The following ARMCX4 variants were observed in gnomAD, a reference collection of about 807,000 sequenced individuals.
ARMCX4 encodes the protein armadillo repeat containing X-linked 4.
A neutral mutation model predicts 34.7 loss-of-function variants in ARMCX4; 3 were observed. The ratio of observed to expected loss-of-function variants is 0.09; its 90% confidence interval spans 0.04 to 0.22. ARMCX4 has a LOEUF of 0.22. Ranked by LOEUF, ARMCX4 falls within the 10% of genes least tolerant of loss-of-function variation. The pLI, the probability that ARMCX4 is intolerant of heterozygous loss-of-function variation, is 1.00. For synonymous variants in ARMCX4, 513 were observed against 632.8 expected (o/e 0.81, Z 2.84); for missense variants, 1,448 against 1,720.8 (o/e 0.84, Z 2.81).
chrX:101,435,957 T>C (rs1277402451), intron 2 of ARMCX4, among the ~76,000 whole-genome samples: 3 of 111,400 alleles, frequency 2.7e-5, no homozygotes, highest in Non-Finnish European at 5.7e-5. Flanking sequence ...TAGTTGTAGA[T>C]ATGTGGCGTT....
At chrX:101,500,046 A>T (rs782194172), downstream of ARMCX4, among the ~76,000 whole-genome samples, 12 of 111,833 alleles carry the variant, frequency 1.1e-4, no homozygotes, top group East Asian at 3.4e-3. Context: ...TACTCAGGTA[A>T]CTGTGTACCA....
chrX:101,432,441 T>A (rs1193210444), intron 2 of ARMCX4, among the ~76,000 whole-genome samples: 2 of 110,977 alleles, frequency 1.8e-5, no homozygotes, highest in Non-Finnish European at 3.8e-5. Context: ...GGCAGTAGGA[T>A]CACGAAGTCA....
intron 11 of ARMCX4, among the ~76,000 whole-genome samples, chrX:101,518,979 G>A (rs925462005): frequency 6.3e-5 from 7 of 111,228 alleles, no homozygotes; most frequent in African/African-American, 2.3e-4. Context: ...AAATATAGCA[G>A]AAGCCCTATT....
At chrX:101,499,387 C>T (rs1363947904), downstream of ARMCX4, 6 of 111,213 alleles carry the variant, frequency 5.4e-5, no homozygotes, top group African/African-American at 2.0e-4. Context: ...TATAATAAAC[C>T]TATTATGTAA....
intron 5 of ARMCX4, among the ~76,000 whole-genome samples, 169 bp from the exon 6 acceptor site, chrX:101,488,275 T>C (rs1464787545): frequency 1.8e-5 from 2 of 111,912 alleles, no homozygotes; most frequent in Non-Finnish European, 3.8e-5. Flanking sequence ...TTATTGGGCA[T>C]TGGGGAAGGT....
chrX:101,433,391 T>C (rs1328744034), intron 2 of ARMCX4, among the ~76,000 whole-genome samples: 1 of 109,910 alleles, frequency 9.1e-6, no homozygotes, highest in African/African-American at 3.3e-5. Context: ...TATGTACATA[T>C]ATACATACAT....
At chrX:101,510,069 A>T (rs1404246754) in intron 10 of ARMCX4, among the ~76,000 whole-genome samples, 2 of 112,095 alleles carry the variant, frequency 1.8e-5, no homozygotes, top group Non-Finnish European at 3.8e-5. Flanking sequence ...CCGAAAACAG[A>T]TAACTATTGT....
At chrX:101,465,314 A>G (rs1333362497) in intron 4 of ARMCX4, among the ~76,000 whole-genome samples, 12 of 111,804 alleles carry the variant, frequency 1.1e-4, no homozygotes, top group African/African-American at 3.6e-4. Context: ...ATATGAAGCC[A>G]CAGAAGGCTA....
chrX:101,515,821 C>T (rs1319842767), intron 11 of ARMCX4, among the ~76,000 whole-genome samples: 2 of 110,026 alleles, frequency 1.8e-5, no homozygotes, highest in East Asian at 2.9e-4. Context: ...GGATTACAGG[C>T]GTGAGCCACT....
At chrX:101,476,289 G>C (rs1197824352) in intron 4 of ARMCX4, among the ~76,000 whole-genome samples, 2 of 108,329 alleles carry the variant, frequency 1.8e-5, no homozygotes, top group Admixed American at 2.0e-4. Context: ...CTAGATAGAA[G>C]AATCAAATAA....
intron 4 of ARMCX4, among the ~76,000 whole-genome samples, chrX:101,471,953 T>C (rs1556003104): frequency 9.9e-6 from 1 of 100,980 alleles, no homozygotes; most frequent in Non-Finnish European, 2.0e-5. Context: ...CAAAGCTGGA[T>C]GGAGAATGAC....
In ARMCX4 at chrX:101,494,719, G is replaced by A; in HGVS notation, c.6130G>A (p.Glu2044Lys). The change falls in exon 6 of 6, where the codon GAA becomes AAA. Residue 2044 changes from glutamate to lysine, a missense_variant. Physicochemically the swap from Glu to Lys is moderately conservative, Grantham distance 56. This residue lies in a region of ARMCX4 where 105 missense variants were observed against 180.2 expected (regional missense o/e 0.58). Coordinates refer to ENST00000423738, the MANE Select transcript of ARMCX4 (RefSeq NM_001256155.3). ...AGCTAATATGGATCCACGAGATCTTGAAAAACTCATTTGCATGATTGAGAT... is the reference window on the plus strand; with the variant it reads ...AGCTAATATGGATCCACGAGATCTTAAAAAACTCATTTGCATGATTGAGAT... ...HEANMDPRDL[E>K]KLICMIEMTE... The A allele has an allele frequency of 8.7e-7, 1 of 1,155,456 alleles. No individual in the cohort carries two copies. The highest frequency in any genetic ancestry group is 1.9e-5 in the South Asian group (1 of 52,707).
At chrX:101,450,467 T>C (rs1366408078), downstream of ARMCX4, among the ~76,000 whole-genome samples, 9 of 111,843 alleles carry the variant, frequency 8.0e-5, no homozygotes, top group African/African-American at 2.9e-4. Flanking sequence ...TTCAGGGCAG[T>C]GAACTCCCCT....
At chrX:101,423,200 A>T (rs1465774849) in intron 2 of ARMCX4, among the ~76,000 whole-genome samples, 1 of 109,905 alleles carries the variant, frequency 9.1e-6, no homozygotes, top group Non-Finnish European at 1.9e-5. Context: ...GTGAGCCACC[A>T]TGCCCATGGG....
In ARMCX4 at chrX:101,488,570, CT is replaced by C; in HGVS notation, c.-16del. The C allele has an allele frequency of 1.7e-6, 2 of 1,155,924 alleles. No individual in the cohort carries two copies. Among genetic ancestry groups the C allele is most frequent in the Non-Finnish European group, 2.3e-6 (2 of 873,028 alleles). On this transcript the variant is annotated 5_prime_UTR_variant, in exon 6 of 6. Transcript: ENST00000423738. ...TGCGCTCTACCATACCTTGTTCGTG[CT>C]TTTAGCAGGGGTGATTACATGGGCC...
intron 2 of ARMCX4, among the ~76,000 whole-genome samples, chrX:101,433,918 A>T (rs781845427): frequency 9.0e-6 from 1 of 111,159 alleles, no homozygotes; most frequent in East Asian, 2.8e-4. Context: ...TTTTATTTTT[A>T]AAAAGAAGAT....
intron 11 of ARMCX4, among the ~76,000 whole-genome samples, chrX:101,519,648 C>G (rs1170429167): frequency 9.0e-6 from 1 of 111,500 alleles, no homozygotes; most frequent in Non-Finnish European, 1.9e-5. Flanking sequence ...GCAGATATCT[C>G]TCTGAGATTC....
chrX:101,448,908 T>G (rs1269827143), downstream of ARMCX4, among the ~76,000 whole-genome samples: 1 of 80,461 alleles, frequency 1.2e-5, no homozygotes, highest in Non-Finnish European at 2.4e-5. Flanking sequence ...TTTTCTTTTC[T>G]TTCCTTTTTT....
chrX:101,474,545 A>C (rs1282017195), intron 4 of ARMCX4, among the ~76,000 whole-genome samples: 1 of 102,065 alleles, frequency 9.8e-6, no homozygotes, highest in Non-Finnish European at 2.0e-5. Flanking sequence ...ATGAACATTG[A>C]TGCAAAAATC....
Sources: gnomAD v4.1 joint callset for allele counts (sites outside exome capture counted in the v4.1 genomes callset) on GRCh38, gnomAD v4.1.1 for gene constraint, gnomAD v4.1.1 regional missense constraint, MANE v1.5 for transcripts, NCBI Gene and HGNC (gene_info 2026-07-23, HGNC 2026-07-21) for gene names.